OR51C1: variants seen among roughly 807,000 people sequenced by gnomAD.
OR51C1 encodes olfactory receptor OR51C1.
At chr11:4,697,776 C>A in the OR51C1 span, 2 of 152,560 alleles carry the variant, frequency 1.3e-5, no homozygotes, top group African/African-American at 2.4e-5. Flanking sequence ...TGACTGGAGA[C>A]AGGCACAGAG....
chr11:4,697,234 A>T, the OR51C1 span, among the ~76,000 whole-genome samples: 1 of 152,222 alleles, frequency 6.6e-6, no homozygotes, highest in Non-Finnish European at 1.5e-5. Context: ...TGTTTTACTG[A>T]AATCTACAAG....
the OR51C1 span, among the ~76,000 whole-genome samples, chr11:4,693,953 T>C: frequency 1.3e-5 from 2 of 152,324 alleles, no homozygotes; most frequent in East Asian, 3.9e-4. Context: ...TATACAGCGA[T>C]GAATAATAAA....
the OR51C1 span, among the ~76,000 whole-genome samples, chr11:4,691,872 A>C: frequency 2.0e-5 from 3 of 152,212 alleles, no homozygotes; most frequent in African/African-American, 7.2e-5. Context: ...TCAGATTTCA[A>C]CTGCTGTAGT....
At chr11:4,696,951 A>G in the OR51C1 span, among the ~76,000 whole-genome samples, 1 of 152,214 alleles carries the variant, frequency 6.6e-6, no homozygotes, top group African/African-American at 2.4e-5. Flanking sequence ...TACACCATTA[A>G]TAAAAATATT....
the OR51C1 span, chr11:4,691,772 C>T: frequency 3.8e-5 from 12 of 317,236 alleles, no homozygotes; most frequent in African/African-American, 1.9e-4. Flanking sequence ...GTGTATTGAT[C>T]GAATTAAAAT....
the OR51C1 span, among the ~76,000 whole-genome samples, chr11:4,692,469 C>T: frequency 6.6e-6 from 1 of 152,226 alleles, no homozygotes; most frequent in Non-Finnish European, 1.5e-5. Flanking sequence ...CAGAATCTCT[C>T]TATTTTGTTA....
chr11:4,691,591 C>G, the OR51C1 span: 1 of 456,244 alleles, frequency 2.2e-6, no homozygotes, highest in East Asian at 6.9e-5. Flanking sequence ...AGAGCAGTTA[C>G]AGAGAGGAAG....
At chr11:4,693,017 CT>C in the OR51C1 span, among the ~76,000 whole-genome samples, 1 of 151,998 alleles carries the variant, frequency 6.6e-6, no homozygotes, top group Non-Finnish European at 1.5e-5. Context: ...ATGAAAATAT[CT>C]AAAATGTATG....
At chr11:4,693,548 C>T in the OR51C1 span, among the ~76,000 whole-genome samples, 1 of 152,056 alleles carries the variant, frequency 6.6e-6, no homozygotes, top group African/African-American at 2.4e-5. Flanking sequence ...GGTGAAACCT[C>T]GTCTCTACTA....
chr11:4,691,043 A>G, the OR51C1 span: 2 of 456,590 alleles, frequency 4.4e-6, no homozygotes, highest in Non-Finnish European at 8.8e-6. Flanking sequence ...TGATCAAAAC[A>G]TAAGAAAGGA....
chr11:4,691,680 G>A, the OR51C1 span: 9 of 379,870 alleles, frequency 2.4e-5, no homozygotes, highest in Non-Finnish European at 3.6e-5. Flanking sequence ...GGAAGTGGAG[G>A]TGATATTCTG....
the OR51C1 span, chr11:4,692,179 G>A: frequency 8.8e-6 from 4 of 452,816 alleles, no homozygotes; most frequent in Non-Finnish European, 1.8e-5. Context: ...GTGGAAAGCA[G>A]AGAAGCTTAC....
At chr11:4,691,738 A>T in the OR51C1 span, 4 of 342,896 alleles carry the variant, frequency 1.2e-5, no homozygotes, top group Non-Finnish European at 5.7e-6. Flanking sequence ...TGAGAGCTTA[A>T]ACAAAAAAAA....
the OR51C1 span, among the ~76,000 whole-genome samples, chr11:4,694,759 G>A: frequency 5.5e-3 from 839 of 152,212 alleles, 2 homozygotes; most frequent in Non-Finnish European, 8.5e-3. Flanking sequence ...TATAAGGATA[G>A]GATGTATCTA....
the OR51C1 span, chr11:4,691,069 C>T: frequency 2.2e-6 from 1 of 456,776 alleles, no homozygotes; most frequent in South Asian, 1.5e-5. Context: ...AGAAGTAAGT[C>T]TACACCAACA....
At chr11:4,694,062 ATTGTG>A in the OR51C1 span, among the ~76,000 whole-genome samples, 1 of 152,128 alleles carries the variant, frequency 6.6e-6, no homozygotes, top group Non-Finnish European at 1.5e-5. Flanking sequence ...AATTTTTGTC[ATTGTG>A]TTGTAGGACA....
chr11:4,696,421 A>G, the OR51C1 span, among the ~76,000 whole-genome samples: 1 of 152,136 alleles, frequency 6.6e-6, no homozygotes, highest in East Asian at 1.9e-4. Context: ...ACATATAAAG[A>G]TTAGTTTTTA....
chr11:4,697,105 A>G, the OR51C1 span, among the ~76,000 whole-genome samples: 5 of 152,236 alleles, frequency 3.3e-5, no homozygotes, highest in African/African-American at 1.2e-4. Context: ...TTTTCTGGTA[A>G]AGACACTGAG....
the OR51C1 span, among the ~76,000 whole-genome samples, chr11:4,696,324 G>A: frequency 3.2e-4 from 48 of 152,104 alleles, no homozygotes; most frequent in African/African-American, 1.2e-3. Flanking sequence ...TCGAACTCTA[G>A]TAAATCATTG....
Sources: allele counts gnomAD v4.1 joint callset (sites outside exome capture counted in the v4.1 genomes callset), GRCh38; gene constraint gnomAD v4.1.1; transcripts MANE v1.5; gene names NCBI Gene and HGNC (gene_info 2026-07-23, HGNC 2026-07-21).